PPARG: variants seen among roughly 807,000 people sequenced by gnomAD.
The protein encoded by PPARG is peroxisome proliferator-activated receptor gamma.
Under a neutral mutation model 39.2 loss-of-function variants are expected in PPARG, and 17 were observed. That is an observed-to-expected ratio of 0.43 (90% CI 0.30 to 0.65). The LOEUF is 0.65. Among genes scored for constraint, PPARG ranks in the 30% least tolerant of loss-of-function variants. The probability of loss-of-function intolerance (pLI) is 0.13; values close to 1 mark genes in which losing one functional copy is unlikely to be tolerated. For synonymous variants in PPARG, 223 were observed against 215.7 expected, an observed-to-expected ratio of 1.03 and a Z score of -0.30; for missense variants, 406 against 585.9, an observed-to-expected ratio of 0.69 and a Z score of 3.17.
chr3:12,422,407 G>A (rs371397015), intron 7 of PPARG, among the ~76,000 whole-genome samples: 3 of 152,244 alleles, frequency 2.0e-5, no homozygotes, highest in Non-Finnish European at 2.9e-5. Context: ...GCTACTAATC[G>A]GTGAGGTCAA....
At chr3:12,418,802 C>G (rs777340821) in intron 7 of PPARG, among the ~76,000 whole-genome samples, 1 of 152,186 alleles carries the variant, frequency 6.6e-6, no homozygotes, top group Non-Finnish European at 1.5e-5. Context: ...ATGCGGAATA[C>G]CGGCCTTTAA....
chr3:12,287,873 C>G (rs1208226958), upstream of PPARG: 1 of 141,492 alleles, frequency 7.1e-6, no homozygotes, highest in Non-Finnish European at 1.6e-5. Flanking sequence ...GCCCCCGCGC[C>G]GGGCCCGGCT....
At chr3:12,294,216 G>T (rs760831217) in intron 1 of PPARG, among the ~76,000 whole-genome samples, 1 of 152,180 alleles carries the variant, frequency 6.6e-6, no homozygotes, top group Non-Finnish European at 1.5e-5. Flanking sequence ...ATTTGGAATA[G>T]CAGTGATAGG....
At chr3:12,313,299 G>T (rs2047301087) in intron 2 of PPARG, among the ~76,000 whole-genome samples, 1 of 152,062 alleles carries the variant, frequency 6.6e-6, no homozygotes, top group Admixed American at 6.6e-5. Context: ...ATATATGTTT[G>T]CTAACTCTGT....
rs573035583 is a variant in PPARG, at chr3:12,378,540, C to T, written c.-8-1164C>T. On this transcript the variant is annotated intron_variant, in intron 2 of 7. Transcript: ENST00000651735. ...CGACAACAGAGATGAACCTAGAGGA[C>T]GTTATGCTAAGAGAATTAAACTGGG... Among the ~76,000 whole-genome samples, 7 of 152,088 alleles carry T rather than the reference C, an allele frequency of 4.6e-5. 1 individual carries two copies. In the South Asian group the frequency reaches 1.0e-3, roughly 23 times the overall value.
intron 5 of PPARG, among the ~76,000 whole-genome samples, chr3:12,402,264 C>T (rs1047530745): frequency 3.3e-5 from 5 of 152,228 alleles, no homozygotes; most frequent in African/African-American, 4.8e-5. Flanking sequence ...ATTCTAGTCA[C>T]CTCTATTTTG....
chr3:12,396,891 A>G (rs2050282794), intron 5 of PPARG, among the ~76,000 whole-genome samples: 1 of 151,684 alleles, frequency 6.6e-6, no homozygotes, highest in Admixed American at 6.6e-5. Flanking sequence ...TTCTGTATTT[A>G]TTATTACTAT....
At chr3:12,318,203 G>T (rs1457130139) in intron 2 of PPARG, among the ~76,000 whole-genome samples, 2 of 152,074 alleles carry the variant, frequency 1.3e-5, no homozygotes, top group East Asian at 3.9e-4. Context: ...CAAACGTCTG[G>T]CCTCAAGCAA....
intron 2 of PPARG, among the ~76,000 whole-genome samples, chr3:12,366,713 T>C (rs1240564385): frequency 6.6e-6 from 1 of 152,204 alleles, no homozygotes; most frequent in Non-Finnish European, 1.5e-5. Context: ...TGTTTTCTAA[T>C]GTTGAACCAA....
chr3:12,404,509 A>AATAACT (rs1175956963), intron 5 of PPARG, among the ~76,000 whole-genome samples: 15 of 152,198 alleles, frequency 9.9e-5, no homozygotes, highest in Non-Finnish European at 1.9e-4. Flanking sequence ...TAACATATAA[A>AATAACT]ATAACTATCT....
At chr3:12,313,808 A>G (rs1011642791) in intron 2 of PPARG, among the ~76,000 whole-genome samples, 2 of 152,238 alleles carry the variant, frequency 1.3e-5, no homozygotes, top group Admixed American at 6.5e-5. Context: ...AATAAAATGT[A>G]TACACATGAG....
At chr3:12,408,154 A>G (rs1248043536) in intron 6 of PPARG, among the ~76,000 whole-genome samples, 1 of 152,226 alleles carries the variant, frequency 6.6e-6, no homozygotes, top group African/African-American at 2.4e-5. Context: ...GTAGTAAGCC[A>G]GGGAGACATA....
intron 6 of PPARG, among the ~76,000 whole-genome samples, chr3:12,412,868 G>A (rs1436831867): frequency 6.6e-6 from 1 of 152,160 alleles, no homozygotes; most frequent in East Asian, 1.9e-4. Context: ...TTCCTGTTAA[G>A]GAGGGACGCT....
chr3:12,343,029 C>T (rs1246398166), intron 2 of PPARG, among the ~76,000 whole-genome samples: 2 of 152,118 alleles, frequency 1.3e-5, no homozygotes, highest in East Asian at 3.8e-4. Context: ...TTTCTTTTAT[C>T]CTATCCTACA....
chr3:12,407,528 G>C (rs958907690), intron 6 of PPARG, among the ~76,000 whole-genome samples: 1 of 152,148 alleles, frequency 6.6e-6, no homozygotes. Context: ...TCCCAGGGCT[G>C]TAAGAACTGC....
chr3:12,340,913 G>A (rs1339657364), intron 2 of PPARG, among the ~76,000 whole-genome samples: 1 of 152,160 alleles, frequency 6.6e-6, no homozygotes, highest in Non-Finnish European at 1.5e-5. Flanking sequence ...GGCTGGGCGT[G>A]GTGGCTCACA....
At chr3:12,366,568 A>G (rs1200343817) in intron 2 of PPARG, among the ~76,000 whole-genome samples, 1 of 152,072 alleles carries the variant, frequency 6.6e-6, no homozygotes, top group African/African-American at 2.4e-5. Flanking sequence ...TTATGATGTT[A>G]ACTATATGTT....
chr3:12,328,152 A>T, intron 2 of PPARG: 2 of 1,273,632 alleles, frequency 1.6e-6, no homozygotes, highest in Non-Finnish European at 2.3e-6. Flanking sequence ...ATCAACTGTT[A>T]GAGAAGCAGC....
intron 2 of PPARG, among the ~76,000 whole-genome samples, chr3:12,333,403 A>G (rs989692842): frequency 2.0e-5 from 3 of 152,112 alleles, no homozygotes; most frequent in Admixed American, 2.0e-4. Flanking sequence ...TTTTATAGCC[A>G]TCATTCTTTC....
Sources: allele counts gnomAD v4.1 joint callset (sites outside exome capture counted in the v4.1 genomes callset), GRCh38; gene constraint gnomAD v4.1.1; transcripts MANE v1.5; gene names NCBI Gene and HGNC (gene_info 2026-07-23, HGNC 2026-07-21).